The following ZNF366 variants were observed in gnomAD, a reference collection of about 807,000 sequenced individuals.
ZNF366 encodes dendritic cell-specific transcript protein.
In ZNF366, 20 loss-of-function variants were observed where a neutral mutation model predicts 47.2. The ratio of observed to expected loss-of-function variants is 0.42; its 90% CI spans 0.30 to 0.62. The LOEUF is 0.62. Ranked by LOEUF, ZNF366 falls within the 20% of genes least tolerant of loss-of-function variation. ZNF366 has a pLI of 0.16. For synonymous variants in ZNF366, 421 were observed against 395.1 expected, an observed-to-expected ratio of 1.07 and a Z score of -0.78; for missense variants, 987 against 976.3, an observed-to-expected ratio of 1.01 and a Z score of -0.15.
chr5:72,452,750 T>G (rs527681904), intron 3 of ZNF366, among the ~76,000 whole-genome samples: 2 of 152,364 alleles, frequency 1.3e-5, no homozygotes, highest in South Asian at 4.1e-4. Flanking sequence ...CAAAAGAGAA[T>G]TTGTCCCGGA....
chr5:72,498,634 G>A (rs1042348637), intron 1 of ZNF366, among the ~76,000 whole-genome samples: 2 of 152,098 alleles, frequency 1.3e-5, no homozygotes, highest in African/African-American at 4.8e-5. Context: ...AATATAATTA[G>A]GACAGTAAAT....
rs538048138 is a variant in ZNF366 at position 72,480,891 on chromosome 5, C to T, written c.-14-19381G>A. Among the ~76,000 whole-genome samples the T allele has an allele frequency of 1.1e-4, 17 of 152,242 alleles. 1 individual carries two copies. In the South Asian group the frequency reaches 3.5e-3, roughly 32 times the overall value. On this transcript the variant is annotated intron_variant, in intron 1 of 4. Transcript: ENST00000318442. Reference sequence around the variant, plus strand: ...GAAAATTCCACGTGAGTGAAGACTGCTTTGTAGGGAGGATTAAGCAAGCCA... The same window carrying T: ...GAAAATTCCACGTGAGTGAAGACTGTTTTGTAGGGAGGATTAAGCAAGCCA...
intron 1 of ZNF366, among the ~76,000 whole-genome samples, chr5:72,469,458 C>G (rs994699340): frequency 6.6e-6 from 1 of 151,998 alleles, no homozygotes; most frequent in Non-Finnish European, 1.5e-5. Context: ...CCAAGGTGAC[C>G]AGACCCCACC....
chr5:72,462,229 G>A (rs376331153), intron 1 of ZNF366, among the ~76,000 whole-genome samples: 1 of 152,202 alleles, frequency 6.6e-6, no homozygotes, highest in Admixed American at 6.5e-5. Flanking sequence ...GTAGCTCAAT[G>A]TTATAAAGTC....
chr5:72,487,108 G>A (rs892758124), intron 1 of ZNF366, among the ~76,000 whole-genome samples: 2 of 152,204 alleles, frequency 1.3e-5, no homozygotes, highest in Admixed American at 1.3e-4. Context: ...CAACAATTAG[G>A]TTCTTTCTGT....
chr5:72,493,445 T>A (rs907664071), intron 1 of ZNF366: 4 of 152,136 alleles, frequency 2.6e-5, no homozygotes, highest in African/African-American at 9.7e-5. Context: ...AGTTGTTAGA[T>A]GAAGGAAGAA....
At chr5:72,491,143 C>T (rs1744000051) in intron 1 of ZNF366, among the ~76,000 whole-genome samples, 1 of 152,190 alleles carries the variant, frequency 6.6e-6, no homozygotes, top group Non-Finnish European at 1.5e-5. Context: ...AACTCCTAGA[C>T]ATTCCTTGAT....
intron 1 of ZNF366, among the ~76,000 whole-genome samples, chr5:72,479,305 G>A (rs1743736056): frequency 6.6e-6 from 1 of 152,088 alleles, no homozygotes; most frequent in South Asian, 2.1e-4. Flanking sequence ...GCTTACACCT[G>A]TAATCCCAGC....
chr5:72,484,413 G>A (rs932965594), intron 1 of ZNF366, among the ~76,000 whole-genome samples: 23 of 149,158 alleles, frequency 1.5e-4, no homozygotes, highest in Non-Finnish European at 2.8e-4. Flanking sequence ...GAACCCGGGA[G>A]GCGGAGCTTG....
rs779788650 is a variant in ZNF366, at chr5:72,460,158, G to A, written c.1332+7C>T. ...CCCCGTCCGCCCCACCAGAGGCCCC[G>A]CAGTACCTTGTGGGTGAGGGAGTGC... On this transcript the variant is annotated splice_region_variant and intron_variant, in intron 2 of 4. Transcript: ENST00000318442. The A allele has an allele frequency of 7.4e-6, 12 of 1,612,990 alleles. No homozygotes were observed. The highest frequency in any genetic ancestry group is 1.7e-4 in the Middle Eastern group (1 of 6,056).
intron 1 of ZNF366, among the ~76,000 whole-genome samples, chr5:72,484,298 A>C (rs1166990164): frequency 2.0e-5 from 3 of 151,422 alleles, no homozygotes; most frequent in Admixed American, 6.6e-5. Context: ...TCCCGGCTAA[A>C]ACGGTGAAAC....
chr5:72,495,139 C>T (rs1403841201), intron 1 of ZNF366, among the ~76,000 whole-genome samples: 2 of 152,128 alleles, frequency 1.3e-5, no homozygotes, highest in Admixed American at 1.3e-4. Context: ...TAAGCCATTT[C>T]ATCACTGCCA....
At chr5:72,465,314 C>T (rs1296170308) in intron 1 of ZNF366, among the ~76,000 whole-genome samples, 3 of 151,954 alleles carry the variant, frequency 2.0e-5, no homozygotes, top group Non-Finnish European at 4.4e-5. Flanking sequence ...AAGGAGAAGC[C>T]CGAGGTGGTG....
chr5:72,482,103 TTCATCAGTCCA>T (rs1448544170), intron 1 of ZNF366, among the ~76,000 whole-genome samples: 2 of 152,178 alleles, frequency 1.3e-5, no homozygotes, highest in East Asian at 1.9e-4. Flanking sequence ...TCTGCACTGT[TTCATCAGTCCA>T]TTGGGAAGTA....
Position 72,460,536 on chromosome 5 carries a change from T to C in ZNF366, c.961A>G (p.Thr321Ala), listed in dbSNP as rs767976079. Residue 321 changes from threonine (T) to alanine (A), a missense_variant, in exon 2 of 5, where the codon ACC becomes GCC. Physicochemically the swap from Thr to Ala is moderately conservative, Grantham distance 58. Around this residue, in one of 3 missense-constraint regions of ZNF366, gnomAD observed 591 missense variants for 560.9 expected, o/e 1.05. Transcript: ENST00000318442. Reference protein sequence around the residue: ...CQVCHKAFTQTSHLKRHMMQH... With the variant: ...CQVCHKAFTQASHLKRHMMQH... The stretch of plus-strand genomic sequence containing the variant: ...ATCATGTGGCGCTTCAGGTGGCTGG[T>C]CTGGGTGAAGGCCTTGTGGCACACC... The C allele has an allele frequency of 1.9e-6, 3 of 1,614,058 alleles. No individual in the cohort carries two copies. The Admixed American group carries it at 5.0e-5, about 27-fold the overall frequency.
intron 3 of ZNF366, among the ~76,000 whole-genome samples, chr5:72,447,902 A>C (rs1264837488): frequency 6.6e-6 from 1 of 152,196 alleles, no homozygotes; most frequent in Non-Finnish European, 1.5e-5. Flanking sequence ...CTGAGGACTT[A>C]CGTCACTTGG....
intron 1 of ZNF366, among the ~76,000 whole-genome samples, chr5:72,473,487 C>A (rs1407796171): frequency 2.0e-5 from 3 of 152,180 alleles, no homozygotes; most frequent in Admixed American, 1.3e-4. Flanking sequence ...ACTCTGTTCC[C>A]CTTCTCTCTA....
At chr5:72,454,969 G>A (rs1580234020) in intron 3 of ZNF366, among the ~76,000 whole-genome samples, 1 of 143,812 alleles carries the variant, frequency 7.0e-6, no homozygotes, top group East Asian at 1.9e-4. Flanking sequence ...TTAATGCTCT[G>A]CTTCCATCAT....
intron 1 of ZNF366, among the ~76,000 whole-genome samples, chr5:72,481,237 G>A (rs1422933303): frequency 3.9e-5 from 6 of 152,004 alleles, no homozygotes; most frequent in Admixed American, 3.3e-4. Context: ...ATTAGATTAA[G>A]GTGAACAATT....
Sources: allele counts gnomAD v4.1 joint callset (sites outside exome capture counted in the v4.1 genomes callset), GRCh38; gene constraint gnomAD v4.1.1; regional missense constraint gnomAD v4.1.1; transcripts MANE v1.5; gene names NCBI Gene and HGNC (gene_info 2026-07-23, HGNC 2026-07-21).